ELMO2: variants seen among roughly 807,000 people sequenced by gnomAD.
ELMO2 encodes the protein engulfment and cell motility 2, also known as engulfment and cell motility protein 2.
ELMO2 carries 37 observed loss-of-function variants against 96.2 expected under a neutral mutation model. The ratio of observed to expected loss-of-function variants is 0.38; its 90% CI spans 0.30 to 0.51. The LOEUF is 0.51. ELMO2 is among the 20% of genes least tolerant of loss of function. ELMO2 has a pLI of 0.88. For missense variants in ELMO2, 561 were observed against 912.6 expected, an observed-to-expected ratio of 0.61 and a Z score of 4.96; for synonymous variants, 315 against 329.4, an observed-to-expected ratio of 0.96 and a Z score of 0.47.
chr20:46,373,541 G>A lies in ELMO2; in HGVS notation c.1280-6C>T. 1 of 1,612,672 alleles carries A rather than the reference G, an allele frequency of 6.2e-7. No homozygotes were observed. Among genetic ancestry groups the A allele is most frequent in the African/African-American group, 1.3e-5 (1 of 74,952 alleles). On this transcript the variant is annotated splice_polypyrimidine_tract_variant and splice_region_variant and intron_variant, in intron 15 of 21. Coordinates refer to ENST00000290246, the MANE Select transcript of ELMO2 (RefSeq NM_133171.5). ...GTCATTGCGTCCTTCATTTGCTGTGGAAGTGAAAAAACAGGGAGAAGATGA... is the reference window on the plus strand; with the variant it reads ...GTCATTGCGTCCTTCATTTGCTGTGAAAGTGAAAAAACAGGGAGAAGATGA...
chr20:46,379,945 C>G, intron 11 of ELMO2: 1 of 240,296 alleles, frequency 4.2e-6, no homozygotes, highest in Middle Eastern at 1.5e-3. Flanking sequence ...GTTATTTTCC[C>G]CCTTTGTGCC....
chr20:46,373,479 CA>C lies in ELMO2; in HGVS notation c.1335del (p.Phe445LeufsTer12), dbSNP rs2059774505. On this transcript the variant is annotated frameshift_variant, in exon 16 of 22. Coordinates refer to ENST00000290246, the MANE Select transcript of ELMO2 (RefSeq NM_133171.5). LOFTEE classifies it high-confidence loss of function. ...HPMFFTHDRA[F>X]EELFGICIQL... The stretch of plus-strand genomic sequence containing the variant: ...TGGATGCAGATTCCAAAGAGCTCTT[CA>C]AAGGCTCGGTCATGGGTAAAGAACA... 6.2e-7 allele frequency: 1 copy of C among 1,614,074 alleles called. No homozygotes were observed. Among genetic ancestry groups the C allele is most frequent in the Non-Finnish European group, 8.5e-7 (1 of 1,180,042 alleles).
chr20:46,394,947 T>G (rs2060218687), intron 2 of ELMO2, among the ~76,000 whole-genome samples: 1 of 152,162 alleles, frequency 6.6e-6, no homozygotes, highest in Non-Finnish European at 1.5e-5. Context: ...TACTTCTTTC[T>G]GCAGTCATCC....
rs1202859401 is a variant in ELMO2 at position 46,371,164 on chromosome 20, G to C, written c.1801+188C>G. 3.3e-5 allele frequency among the ~76,000 whole-genome samples: 5 copies of C among 152,160 alleles called. No homozygotes were observed. The South Asian group carries it at 1.0e-3, about 31-fold the overall frequency. Reference sequence around the variant, plus strand: ...GTCTACACAATACATTCACACCTGTGAACTCATTGTTTCTCCAAACCACCC... The same window carrying C: ...GTCTACACAATACATTCACACCTGTCAACTCATTGTTTCTCCAAACCACCC... On this transcript the variant is annotated intron_variant, in intron 19 of 21. Coordinates refer to ENST00000290246, the MANE Select transcript of ELMO2 (RefSeq NM_133171.5). The surrounding 1 kb of genome is among the most constrained non-coding windows in gnomAD (Gnocchi z 5.9).
chr20:46,377,192 G>C (rs2059877164), intron 11 of ELMO2, among the ~76,000 whole-genome samples: 1 of 152,200 alleles, frequency 6.6e-6, no homozygotes, highest in Non-Finnish European at 1.5e-5. Context: ...AAACTGAGAG[G>C]TGCTGTGAGT....
chr20:46,370,743 G>A (rs970587012), intron 19 of ELMO2, among the ~76,000 whole-genome samples: 17 of 152,190 alleles, frequency 1.1e-4, no homozygotes, highest in African/African-American at 3.6e-4. Flanking sequence ...CAGTGAGGCT[G>A]TGTCAAAGCT....
chr20:46,372,133 G>T (rs994313779), intron 16 of ELMO2, among the ~76,000 whole-genome samples, 164 bp from the exon 17 acceptor site: 1 of 152,168 alleles, frequency 6.6e-6, no homozygotes, highest in Non-Finnish European at 1.5e-5. Context: ...GGTTATTCAG[G>T]TCACATGACT....
At chr20:46,372,598 T>G (rs1310074305) in intron 16 of ELMO2, among the ~76,000 whole-genome samples, 53 of 152,104 alleles carry the variant, frequency 3.5e-4, no homozygotes, top group Admixed American at 3.5e-3. Flanking sequence ...GCCACTGCAC[T>G]CCAGCCTGGG....
At chr20:46,392,753 T>C (rs569818012) in intron 6 of ELMO2, among the ~76,000 whole-genome samples, 44 of 152,354 alleles carry the variant, frequency 2.9e-4, no homozygotes, top group African/African-American at 1.1e-3. Flanking sequence ...CTCTAGCTAA[T>C]TCTTGCTCAT....
intron 14 of ELMO2, 45 bp downstream of exon 14, chr20:46,374,491 G>C: frequency 1.9e-6 from 3 of 1,610,340 alleles, no homozygotes; most frequent in Non-Finnish European, 2.5e-6. Context: ...AGGAAGGCAG[G>C]AGATGTGGCA....
intron 20 of ELMO2, chr20:46,369,871 A>T (rs1267552592): frequency 6.7e-5 from 7 of 103,892 alleles, no homozygotes; most frequent in African/African-American, 2.9e-4. Context: ...AAAGGAAAAG[A>T]TGGTGGGGGA....
rs553101838 is a variant in ELMO2, at chr20:46,379,472, T to C, written c.807+781A>G. Among the ~76,000 whole-genome samples, 3 of 152,266 alleles carry C rather than the reference T, an allele frequency of 2.0e-5. No individual in the cohort carries two copies. In the East Asian group the frequency reaches 5.8e-4, roughly 29 times the overall value. On this transcript the variant is annotated intron_variant, in intron 11 of 21. Coordinates refer to ENST00000290246, the MANE Select transcript of ELMO2 (RefSeq NM_133171.5). The stretch of plus-strand genomic sequence containing the variant: ...CCTCAGGTACCCCTTAGCAAACACA[T>C]GTCTTTCATGTGCTCTTTCTAAAAT...
In ELMO2 at chr20:46,375,751, C is replaced by A; in HGVS notation, c.847G>T (p.Ala283Ser). The A allele has an allele frequency of 1.2e-6, 2 of 1,614,156 alleles. No individual in the cohort carries two copies. The highest frequency in any genetic ancestry group is 2.2e-5 in the East Asian group (1 of 44,886). ...RGNRPIKTEM[A>S]HQLYVLQVLT... is the part of the protein sequence containing the mutation. ...ACTTGAAGGACATATAGCTGATGGG[C>A]CATCTCAGTTTTGATGGGGCGGTTC... is the stretch of plus-strand genomic sequence containing the variant. The change falls in exon 12 of 22, where the codon GCC becomes TCC. Residue 283 changes from alanine to serine, a missense_variant. Ala to Ser is a moderately conservative substitution (Grantham distance 99, BLOSUM62 1). Coordinates refer to ENST00000290246, the MANE Select transcript of ELMO2 (RefSeq NM_133171.5). This position sits in a 1 kb window ranked among gnomAD's most constrained non-coding sequence, Gnocchi z 4.6.
chr20:46,370,092 T>A (rs1443897475), intron 20 of ELMO2: 2 of 398,906 alleles, frequency 5.0e-6, no homozygotes, highest in African/African-American at 4.2e-5. Flanking sequence ...GAATATTTGA[T>A]CTGAAATAAC....
In ELMO2 at chr20:46,393,150, A is replaced by G; in HGVS notation, c.193-7T>C. On this transcript the variant is annotated splice_polypyrimidine_tract_variant and splice_region_variant and intron_variant, in intron 5 of 21. Transcript: ENST00000290246. ...TCTTAATGTCACTGCGAGTCTGGGT[A>G]GTGAAAAATAAACAAAAAAAGTAAC... 6.2e-7 allele frequency: 1 copy of G among 1,613,912 alleles called. No homozygotes were observed. The highest frequency in any genetic ancestry group is 8.5e-7 in the Non-Finnish European group (1 of 1,179,790).
In ELMO2 at chr20:46,375,362, C is replaced by A. The variant is rs1164123350; in HGVS notation, c.939G>T (p.Arg313Ser). 6.2e-7 allele frequency: 1 copy of A among 1,613,890 alleles called. No individual in the cohort carries two copies. The highest frequency in any genetic ancestry group is 8.5e-7 in the Non-Finnish European group (1 of 1,179,824). ...TKMDPNDQAQRDIIFELRRIA... is the reference protein window; with the variant it reads ...TKMDPNDQAQSDIIFELRRIA... Reference sequence around the variant, plus strand: ...TCCTCCTCAGTTCAAATATGATGTCCCTTTGAGCCTGCGAGGTGAAACAGA... The same window carrying A: ...TCCTCCTCAGTTCAAATATGATGTCACTTTGAGCCTGCGAGGTGAAACAGA... The change falls in exon 13 of 22, where the codon AGG becomes AGT. Residue 313 changes from arginine to serine, a missense_variant. Coordinates refer to ENST00000290246, the MANE Select transcript of ELMO2 (RefSeq NM_133171.5). This position sits in a 1 kb window ranked among gnomAD's most constrained non-coding sequence, Gnocchi z 4.6.
chr20:46,389,267 G>A (rs765757520), intron 6 of ELMO2, 47 bp from the exon 7 acceptor site: 1 of 1,574,916 alleles, frequency 6.3e-7, no homozygotes, highest in Admixed American at 1.8e-5. Flanking sequence ...CTTGGAGCAG[G>A]TTACTACTCT....
chr20:46,369,276 T>A, intron 20 of ELMO2: 1 of 249,184 alleles, frequency 4.0e-6, no homozygotes, highest in Non-Finnish European at 7.8e-6. Flanking sequence ...ATCCTAAAAG[T>A]TTTTATATTA....
chr20:46,402,737 T>C (rs912270711), intron 1 of ELMO2, among the ~76,000 whole-genome samples: 1 of 152,208 alleles, frequency 6.6e-6, no homozygotes, highest in Non-Finnish European at 1.5e-5. Flanking sequence ...CCAGAGAAGC[T>C]GGCAAGGCCA....
Sources: allele counts gnomAD v4.1 joint callset (sites outside exome capture counted in the v4.1 genomes callset), GRCh38; gene constraint gnomAD v4.1.1; non-coding constraint Gnocchi (gnomAD v3.1); transcripts MANE v1.5; gene names NCBI Gene and HGNC (gene_info 2026-07-23, HGNC 2026-07-21).